NTM: variants seen among roughly 807,000 people sequenced by gnomAD.
The protein encoded by NTM is IgLON family member 2.
NTM carries 13 observed loss-of-function variants against 42.1 expected under a neutral mutation model. That is an observed-to-expected ratio of 0.31 (90% CI 0.20 to 0.49). The LOEUF is 0.49. NTM is among the 20% of genes least tolerant of loss of function. NTM has a pLI of 0.99. For missense variants in NTM, 373 were observed against 452.8 expected, an observed-to-expected ratio of 0.82 and a Z score of 1.60; for synonymous variants, 187 against 179.2, an observed-to-expected ratio of 1.04 and a Z score of -0.35.
At chr11:131,791,709 G>T (rs1185183963) in intron 1 of NTM, among the ~76,000 whole-genome samples, 1 of 152,206 alleles carries the variant, frequency 6.6e-6, no homozygotes, top group African/African-American at 2.4e-5. Flanking sequence ...ATAAGTATCT[G>T]TCGGATGTGT....
intron 2 of NTM, among the ~76,000 whole-genome samples, chr11:132,042,928 T>C (rs1428401908): frequency 1.3e-5 from 2 of 152,244 alleles, no homozygotes; most frequent in Admixed American, 1.3e-4. Context: ...GGTATATAGT[T>C]GGTGCACAAA....
chr11:131,598,871 TCCTTCTTCCTTCCTTCCTTC>T (rs1410868940), intron 1 of NTM, among the ~76,000 whole-genome samples: 837 of 76,762 alleles, frequency 0.011, 101 homozygotes, highest in African/African-American at 0.041. Context: ...CTTCCTTCCT[TCCTTCTTCCTTCCTTCCTTC>T]CTTCCTTCCT....
intron 2 of NTM, among the ~76,000 whole-genome samples, chr11:132,109,341 C>G (rs977887884): frequency 1.3e-5 from 2 of 152,128 alleles, no homozygotes; most frequent in Non-Finnish European, 2.9e-5. Flanking sequence ...ATTCCCATTT[C>G]TCTACATCCT....
intron 2 of NTM, among the ~76,000 whole-genome samples, chr11:132,093,520 A>G (rs1003516027): frequency 2.6e-5 from 4 of 152,194 alleles, no homozygotes; most frequent in African/African-American, 9.6e-5. Context: ...GCCCATCTTC[A>G]TGCTGCACTT....
intron 1 of NTM, among the ~76,000 whole-genome samples, chr11:131,733,658 C>T (rs2080023911): frequency 6.6e-6 from 1 of 152,108 alleles, no homozygotes; most frequent in African/African-American, 2.4e-5. Flanking sequence ...GCCTAAGCCT[C>T]CCAAGTGGCT....
intron 3 of NTM, among the ~76,000 whole-genome samples, chr11:132,205,768 T>C (rs1386708359): frequency 6.6e-6 from 1 of 152,140 alleles, no homozygotes; most frequent in Non-Finnish European, 1.5e-5. Flanking sequence ...CTCTTTACCT[T>C]TCATGTGGAT....
Position 131,635,874 on chromosome 11 carries a change from A to G in NTM, c.82+264986A>G, listed in dbSNP as rs866011431. Among the ~76,000 whole-genome samples, 19 of 152,162 alleles carry G rather than the reference A, an allele frequency of 1.2e-4. No individual in the cohort carries two copies. In the South Asian group the frequency reaches 2.3e-3, roughly 18 times the overall value. On this transcript the variant is annotated intron_variant, in intron 1 of 8. Transcript: ENST00000683400. ...TTCTTTTATACTCTATTTTTACTGT[A>G]CCTTTCCTCTGTTTTGTTATATTTA...
At chr11:131,456,503 C>T (rs2136081720) in intron 1 of NTM, among the ~76,000 whole-genome samples, 1 of 152,248 alleles carries the variant, frequency 6.6e-6, no homozygotes, top group Admixed American at 6.5e-5. Flanking sequence ...AGCATGGCTC[C>T]CAAAACAGAC....
chr11:131,506,567 C>T (rs902724903), intron 1 of NTM, among the ~76,000 whole-genome samples: 1 of 152,132 alleles, frequency 6.6e-6, no homozygotes, highest in Admixed American at 6.5e-5. Context: ...GTGCTGGCAG[C>T]CTGGGGGGCC....
rs542314158 is a variant in NTM, at chr11:131,512,395, C to T, written c.82+141507C>T. On this transcript the variant is annotated intron_variant, in intron 1 of 8. Coordinates refer to ENST00000683400, the MANE Select transcript of NTM (RefSeq NM_001352005.2). ...CCCCTTGCTCTGTGCTGCCCTTGCT[C>T]TGCCAGCCCAGGCAGGGGCTGTCCT... 2.6e-5 allele frequency among the ~76,000 whole-genome samples: 4 copies of T among 152,322 alleles called. No homozygotes were observed. The South Asian group carries it at 8.3e-4, about 32-fold the overall frequency.
Position 131,442,792 on chromosome 11 carries a change from G to A in NTM, c.82+71904G>A, listed in dbSNP as rs544096631. Among the ~76,000 whole-genome samples, 34 of 151,660 alleles carry A rather than the reference G, an allele frequency of 2.2e-4. 1 individual carries two copies. The East Asian group carries it at 5.6e-3, about 25-fold the overall frequency. ...TTATAGTATTCCGTTATATATATAC[G>A]TGTATATATTATATATATGTGTGTG... On this transcript the variant is annotated intron_variant, in intron 1 of 8. Coordinates refer to ENST00000683400, the MANE Select transcript of NTM (RefSeq NM_001352005.2).
chr11:131,467,502 C>T (rs1334980280), intron 1 of NTM, among the ~76,000 whole-genome samples: 2 of 152,168 alleles, frequency 1.3e-5, no homozygotes, highest in African/African-American at 2.4e-5. Flanking sequence ...GGAGAGCTGG[C>T]CATGATGAAA....
intron 2 of NTM, among the ~76,000 whole-genome samples, chr11:132,087,304 G>A (rs144171970): frequency 1.3e-5 from 2 of 152,014 alleles, no homozygotes; most frequent in Non-Finnish European, 2.9e-5. Context: ...GAGTTTCCTA[G>A]ACCTCATTTA....
intron 1 of NTM, among the ~76,000 whole-genome samples, chr11:131,508,778 C>T (rs1286436206): frequency 5.1e-5 from 7 of 137,394 alleles, no homozygotes; most frequent in Admixed American, 2.2e-4. Flanking sequence ...AGTAAACTAT[C>T]GCAAGAACAA....
At chr11:131,399,469 T>A (rs1944890548) in intron 1 of NTM, among the ~76,000 whole-genome samples, 1 of 152,160 alleles carries the variant, frequency 6.6e-6, no homozygotes, top group Non-Finnish European at 1.5e-5. Context: ...TATGTATGGA[T>A]TGTATCTGTT....
At chr11:131,861,910 G>A (rs765187999) in intron 1 of NTM, among the ~76,000 whole-genome samples, 18 of 152,162 alleles carry the variant, frequency 1.2e-4, no homozygotes, top group Non-Finnish European at 1.9e-4. Context: ...CCAAATGCAC[G>A]TGGGTCTGGT....
rs550155870 is a variant in NTM at position 131,728,209 on chromosome 11, G to T, written c.83-183355G>T. ...CACCATCTACCTGGAGATAGAGTCA[G>T]ATCCTACCTGTTGAGGGCTCTCAGT... On this transcript the variant is annotated intron_variant, in intron 1 of 8. Coordinates refer to ENST00000683400, the MANE Select transcript of NTM (RefSeq NM_001352005.2). Among the ~76,000 whole-genome samples the T allele has an allele frequency of 9.2e-5, 14 of 152,316 alleles. No homozygotes were observed. The East Asian group carries it at 2.5e-3, about 27-fold the overall frequency.
At chr11:131,475,838 G>A (rs1351297815) in intron 1 of NTM, among the ~76,000 whole-genome samples, 1 of 151,946 alleles carries the variant, frequency 6.6e-6, no homozygotes, top group Non-Finnish European at 1.5e-5. Flanking sequence ...GACACAGTGA[G>A]GAAAAAATGA....
At chr11:131,671,820 AATG>A (rs2070313282) in intron 1 of NTM, among the ~76,000 whole-genome samples, 1 of 152,146 alleles carries the variant, frequency 6.6e-6, no homozygotes, top group South Asian at 2.1e-4. Flanking sequence ...TGGTGGAGGC[AATG>A]ATATTTGTTG....
Sources: allele counts gnomAD v4.1 joint callset (sites outside exome capture counted in the v4.1 genomes callset), GRCh38; gene constraint gnomAD v4.1.1; transcripts MANE v1.5; gene names NCBI Gene and HGNC (gene_info 2026-07-23, HGNC 2026-07-21).